The following ZNF605 variants were observed in gnomAD, a reference collection of about 807,000 sequenced individuals.
The protein encoded by ZNF605 is zinc finger protein 605.
ZNF605 carries 9 observed loss-of-function variants against 7.9 expected under a neutral mutation model. The observed-to-expected ratio is 1.14, with a 90% CI of 0.68 to 1.98. The LOEUF (loss-of-function observed/expected upper bound fraction) is 1.98, where lower values mean the gene tolerates loss of function less well. ZNF605 is among the 30% of genes most tolerant of loss of function. ZNF605 has a pLI of 0.00. For missense variants in ZNF605, 673 were observed against 762.4 expected (o/e 0.88, Z 1.38); for synonymous variants, 255 against 260.1 (o/e 0.98, Z 0.19).
rs1952180655 is a variant in ZNF605 at position 132,919,009 on chromosome 12, G to A, written c.*6364C>T. 1 of 152,246 alleles carries A rather than the reference G, an allele frequency of 6.6e-6. No individual in the cohort carries two copies. The highest frequency in any genetic ancestry group is 1.5e-5 in the Non-Finnish European group (1 of 68,102). The allele number at this position is 152,246 out of a possible 1,614,324, so 9.4% of individuals were successfully genotyped here. On this transcript the variant is annotated 3_prime_UTR_variant, in exon 5 of 5. Coordinates refer to ENST00000360187, the MANE Select transcript of ZNF605 (RefSeq NM_183238.4). ...CAACAGGACACAATGCACATGCCTT[G>A]TTCATACCCTCAGAGCTGCCTGGCA...
At chr12:132,932,198 C>T (rs2137132185) in intron 4 of ZNF605, among the ~76,000 whole-genome samples, 1 of 152,242 alleles carries the variant, frequency 6.6e-6, no homozygotes, top group South Asian at 2.1e-4. Context: ...TCGTGCCCTG[C>T]CCTCTCCCCA....
Position 132,926,270 on chromosome 12 carries a change from T to C in ZNF605, c.1029A>G (p.Gln343=). 7 of 1,613,872 alleles carry C rather than the reference T, an allele frequency of 4.3e-6. No homozygotes were observed. Among genetic ancestry groups the C allele is most frequent in the Non-Finnish European group, 5.9e-6 (7 of 1,179,926 alleles). The change falls in exon 5 of 5, where the codon CAA becomes CAG. Residue 343 remains glutamine, a synonymous_variant. Transcript: ENST00000360187. ...GAAGTGAGTTCCTGCTGAAGGCTTTTTGACACTCACCACATCCGTAAGGTT... is the reference window on the plus strand; with the variant it reads ...GAAGTGAGTTCCTGCTGAAGGCTTTCTGACACTCACCACATCCGTAAGGTT... ...GKKPYGCGEC[Q]KAFSRNSLLI... is the part of the protein sequence containing the mutation.
At chr12:132,928,678 A>T (rs1952272338) in intron 4 of ZNF605, among the ~76,000 whole-genome samples, 2 of 152,166 alleles carry the variant, frequency 1.3e-5, no homozygotes, top group South Asian at 4.1e-4. Context: ...ATTCTCAGGA[A>T]GTACTCTGCG....
rs1297207617 is a variant in ZNF605, at chr12:132,923,948, T to C, written c.*1425A>G. 1 of 152,196 alleles carries C rather than the reference T, an allele frequency of 6.6e-6. No individual in the cohort carries two copies. The highest frequency in any genetic ancestry group is 1.5e-5 in the Non-Finnish European group (1 of 68,042). The allele number at this position is 152,196 out of a possible 1,614,324, so 9.4% of individuals were successfully genotyped here. ...AAGTTCATTGATTTTTTCTTCTTTT[T>C]CTGTATCTAATCTCTCCACTCGGGA... On this transcript the variant is annotated 3_prime_UTR_variant, in exon 5 of 5. Transcript: ENST00000360187.
rs982117156 is a variant in ZNF605 at position 132,924,919 on chromosome 12, T to C, written c.*454A>G. 2.6e-5 allele frequency: 4 copies of C among 154,296 alleles called. No individual in the cohort carries two copies. Among genetic ancestry groups the C allele is most frequent in the African/African-American group, 9.6e-5 (4 of 41,534 alleles). The allele number at this position is 154,296 out of a possible 1,614,324, so 9.6% of individuals were successfully genotyped here. On this transcript the variant is annotated 3_prime_UTR_variant, in exon 5 of 5. Coordinates refer to ENST00000360187, the MANE Select transcript of ZNF605 (RefSeq NM_183238.4). The stretch of plus-strand genomic sequence containing the variant: ...TTACAGAACTATTTCAATAGCATCA[T>C]GCTTGTCAAATTCTTTACATTATTG...
intron 1 of ZNF605, among the ~76,000 whole-genome samples, chr12:132,952,760 A>G (rs1952585893): frequency 6.6e-6 from 1 of 152,036 alleles, no homozygotes; most frequent in Non-Finnish European, 1.5e-5. Flanking sequence ...CTTTTAAAAA[A>G]GGAAATAATC....
chr12:132,951,857 C>G (rs1212373945), intron 1 of ZNF605, among the ~76,000 whole-genome samples: 2 of 151,356 alleles, frequency 1.3e-5, no homozygotes, highest in Non-Finnish European at 2.9e-5. Context: ...ACATCACACA[C>G]TATACTCACA....
rs1952637585 is a variant in ZNF605 at position 132,956,301 on chromosome 12, A to C, written c.-344T>G. The C allele has an allele frequency of 6.6e-6, 1 of 152,094 alleles. No homozygotes were observed. Among genetic ancestry groups the C allele is most frequent in the Non-Finnish European group, 1.5e-5 (1 of 68,044 alleles). 9.4% of individuals were successfully genotyped at this position (152,094 alleles called of 1,614,324 possible). A position where few individuals can be genotyped will look rare whatever the true frequency, so the allele number is the denominator to read the frequency against. ...CCCGATCGGGGACGTGAACGCGCAG[A>C]ACTACATTTCCCAGCGTCCCGCTCG... is the stretch of plus-strand genomic sequence containing the variant. On this transcript the variant is annotated 5_prime_UTR_variant, in exon 1 of 5. Coordinates refer to ENST00000360187, the MANE Select transcript of ZNF605 (RefSeq NM_183238.4).
rs1038212197 is a variant in ZNF605, at chr12:132,939,021, T to C, written c.16-5866A>G. 1.5e-4 allele frequency among the ~76,000 whole-genome samples: 23 copies of C among 151,498 alleles called. 1 individual carries two copies. Among genetic ancestry groups the C allele is most frequent in the Non-Finnish European group, 4.4e-5 (3 of 67,646 alleles). ...AGGGCTGGGCACCTGCAGCCCACCA[T>C]GCCTGAGCCTCCCACCCACTCCATG... On this transcript the variant is annotated intron_variant, in intron 3 of 4. Transcript: ENST00000360187.
rs1361265560 is a variant in ZNF605, at chr12:132,941,575, G to A, written c.15+4046C>T. ...CCAATCATGGGGCGTCTGAGGAACC[G>A]TATCGCTCACGAGCAACAGGGTAAC... On this transcript the variant is annotated intron_variant, in intron 3 of 4. Coordinates refer to ENST00000360187, the MANE Select transcript of ZNF605 (RefSeq NM_183238.4). This position sits in a 1 kb window ranked among gnomAD's most constrained non-coding sequence, Gnocchi z 5.1. 1.3e-5 allele frequency among the ~76,000 whole-genome samples: 2 copies of A among 152,202 alleles called. No individual in the cohort carries two copies. Among genetic ancestry groups the A allele is most frequent in the East Asian group, 3.8e-4 (2 of 5,200 alleles).
chr12:132,925,738 G>C lies in ZNF605; in HGVS notation c.1561C>G (p.Leu521Val), dbSNP rs868647817. 1 of 1,613,866 alleles carries C rather than the reference G, an allele frequency of 6.2e-7. No individual in the cohort carries two copies. The highest frequency in any genetic ancestry group is 1.7e-5 in the Admixed American group (1 of 59,992). ...CCTGTATGAATTCTCTGATGCCTAA[G>C]AAGCTGTGGCTTCCAGGCAAAAGCT... ...RKAFAWKPQL[L>V]RHQRIHTGEK... Residue 521 changes from leucine (L) to valine (V), a missense_variant, in exon 5 of 5, where the codon CTT (leucine) becomes GTT (valine). Transcript: ENST00000360187.
chr12:132,932,887 G>A, intron 4 of ZNF605, 148 bp downstream of exon 4: 2 of 1,354,540 alleles, frequency 1.5e-6, no homozygotes, highest in South Asian at 1.5e-5. Flanking sequence ...TATTATAAAG[G>A]CTGCAAAATA....
intron 3 of ZNF605, among the ~76,000 whole-genome samples, chr12:132,940,030 C>T (rs1010197344): frequency 2.0e-5 from 3 of 152,150 alleles, no homozygotes; most frequent in Non-Finnish European, 4.4e-5. Flanking sequence ...AGACGCGCCA[C>T]CCGAAGAGCT....
rs1952251032 is a variant in ZNF605, at chr12:132,926,668, G to C, written c.631C>G (p.Leu211Val). The C allele has an allele frequency of 6.2e-7, 1 of 1,613,946 alleles. No individual in the cohort carries two copies. The highest frequency in any genetic ancestry group is 1.3e-5 in the African/African-American group (1 of 74,898). Reference sequence around the variant, plus strand: ...TGAGTTCTTTGATGAACCGTGAGCAGTGACTTCTGTGAAAAGGCTTTTCCA... The same window carrying C: ...TGAGTTCTTTGATGAACCGTGAGCACTGACTTCTGTGAAAAGGCTTTTCCA... Reference protein sequence around the residue: ...ECGKAFSQKSLLTVHQRTHSG... With the variant: ...ECGKAFSQKSVLTVHQRTHSG... The change falls in exon 5 of 5, where the codon CTG becomes GTG. Residue 211 changes from leucine (L) to valine (V), a missense_variant. Transcript: ENST00000360187.
intron 3 of ZNF605, among the ~76,000 whole-genome samples, chr12:132,939,860 A>G (rs556575790): frequency 0.024 from 3,690 of 150,672 alleles, 166 homozygotes; most frequent in African/African-American, 0.086. Flanking sequence ...CAGCGAGACC[A>G]CGAGCCCACC....
At chr12:132,953,867 G>A (rs1407903762) in intron 1 of ZNF605, among the ~76,000 whole-genome samples, 4 of 151,876 alleles carry the variant, frequency 2.6e-5, no homozygotes, top group South Asian at 2.1e-4. Flanking sequence ...ACACTTGCAC[G>A]CATACTTGGC....
intron 1 of ZNF605, among the ~76,000 whole-genome samples, chr12:132,954,851 G>C (rs1952618771): frequency 6.6e-6 from 1 of 151,952 alleles, no homozygotes. Flanking sequence ...ACTTGCAACA[G>C]GTCCACCATT....
At chr12:132,938,716 T>C (rs1483555196) in intron 3 of ZNF605, among the ~76,000 whole-genome samples, 5 of 152,122 alleles carry the variant, frequency 3.3e-5, no homozygotes, top group Non-Finnish European at 4.4e-5. Flanking sequence ...TGGCCAAGGC[T>C]GGAGCCCACT....
At chr12:132,946,272 G>A (rs2137156643) in intron 2 of ZNF605, among the ~76,000 whole-genome samples, 1 of 152,336 alleles carries the variant, frequency 6.6e-6, no homozygotes, top group East Asian at 1.9e-4. Flanking sequence ...AACAGAAAAT[G>A]GACTTTAGAC....
Sources: gnomAD v4.1 joint callset for allele counts (sites outside exome capture counted in the v4.1 genomes callset) on GRCh38, gnomAD v4.1.1 for gene constraint, Gnocchi (gnomAD v3.1) non-coding constraint, MANE v1.5 for transcripts, NCBI Gene and HGNC (gene_info 2026-07-23, HGNC 2026-07-21) for gene names.